CEP290: variants seen among roughly 807,000 people sequenced by gnomAD.
The protein encoded by CEP290 is centrosomal protein 290.
Under a neutral mutation model 344.9 loss-of-function variants are expected in CEP290, and 317 were observed. The ratio of observed to expected loss-of-function variants is 0.92; its 90% CI spans 0.84 to 1.01. CEP290 has a LOEUF of 1.01. Among genes scored for constraint, CEP290 ranks in the 50% least tolerant of loss-of-function variants. The probability of loss-of-function intolerance (pLI) is 0.00; values close to 1 mark genes in which losing one functional copy is unlikely to be tolerated. For missense variants in CEP290, 2,754 were observed against 2,761.4 expected, an observed-to-expected ratio of 1.00 and a Z score of 0.06; for synonymous variants, 932 against 895.8, an observed-to-expected ratio of 1.04 and a Z score of -0.72.
chr12:88,115,439 AC>A (rs1475097443), intron 18 of CEP290: 16 of 1,249,850 alleles, frequency 1.3e-5, no homozygotes, highest in Non-Finnish European at 1.6e-5. Flanking sequence ...TGTCTTTAGT[AC>A]CACAATCATC....
intron 47 of CEP290, among the ~76,000 whole-genome samples, chr12:88,060,516 C>G (rs941014061): frequency 1.3e-5 from 2 of 152,052 alleles, no homozygotes; most frequent in East Asian, 1.9e-4. Context: ...GTCAAGATTG[C>G]ACCACTGCAT....
At chr12:88,077,152 T>C in intron 41 of CEP290, 70 bp downstream of exon 41, 1 of 1,437,642 alleles carries the variant, frequency 7.0e-7, no homozygotes, top group South Asian at 1.3e-5. Context: ...TATTAACTGT[T>C]AATCAGCTAT....
chr12:88,065,557 T>C (rs1409431063), intron 44 of CEP290, among the ~76,000 whole-genome samples: 2 of 152,218 alleles, frequency 1.3e-5, no homozygotes, highest in Non-Finnish European at 2.9e-5. Context: ...TTTAAGGTTA[T>C]TTCAGATATG....
chr12:88,103,889 C>T (rs1427368784), intron 25 of CEP290: 6 of 152,070 alleles, frequency 3.9e-5, no homozygotes, highest in Non-Finnish European at 5.9e-5. Flanking sequence ...TTCAGTTTCA[C>T]TGTTCTGGGG....
chr12:88,132,519 T>C (rs917217181), intron 6 of CEP290, among the ~76,000 whole-genome samples: 4 of 152,210 alleles, frequency 2.6e-5, no homozygotes, highest in Non-Finnish European at 5.9e-5. Flanking sequence ...CATCTTTCTT[T>C]TTCAAACAGA....
chr12:88,129,202 A>G (rs974831275), intron 10 of CEP290, among the ~76,000 whole-genome samples, 167 bp from the exon 11 acceptor site: 2 of 151,802 alleles, frequency 1.3e-5, no homozygotes, highest in African/African-American at 4.8e-5. Context: ...ACATATGTGT[A>G]TTTATCATTG....
chr12:88,052,701 ATAATCT>A (rs2033659259), intron 52 of CEP290, among the ~76,000 whole-genome samples: 1 of 152,192 alleles, frequency 6.6e-6, no homozygotes, highest in Non-Finnish European at 1.5e-5. Context: ...CACACAGATG[ATAATCT>A]TAAATCCTAA....
chr12:88,141,383 T>C (rs957049492), intron 1 of CEP290, 49 bp from the exon 2 acceptor site: 6 of 936,502 alleles, frequency 6.4e-6, no homozygotes, highest in South Asian at 3.7e-5. Flanking sequence ...CACAGTATTA[T>C]TGGTTTTCTA....
intron 43 of CEP290, among the ~76,000 whole-genome samples, chr12:88,070,985 G>C (rs1366617894): frequency 3.9e-5 from 6 of 152,236 alleles, no homozygotes; most frequent in African/African-American, 1.4e-4. Flanking sequence ...TTGAAAAATG[G>C]AACCACAGCC....
chr12:88,133,266 T>C (rs1736469727), intron 6 of CEP290, among the ~76,000 whole-genome samples: 1 of 151,860 alleles, frequency 6.6e-6, no homozygotes, highest in African/African-American at 2.4e-5. Context: ...TGTTTTGTTT[T>C]TGTAGAGATG....
Position 88,120,171 on chromosome 12 carries a change from G to A in CEP290, c.1465C>T (p.Leu489Phe). 1 of 1,535,054 alleles carries A rather than the reference G, an allele frequency of 6.5e-7. No individual in the cohort carries two copies. Among genetic ancestry groups the A allele is most frequent in the Admixed American group, 2.0e-5 (1 of 49,810 alleles). The change falls in exon 15 of 54, where the codon CTT becomes TTT. Residue 489 changes from leucine to phenylalanine, a missense_variant. Physicochemically the swap from Leu to Phe is conservative, Grantham distance 22. Transcript: ENST00000552810. The stretch of plus-strand genomic sequence containing the variant: ...AGGAAATCACTGATCTTCAATTCAA[G>A]TTTATTGATTTCCTTTGTTAATATT... Reference protein sequence around the residue: ...IEILTKEINKLELKISDFLDE... With the variant: ...IEILTKEINKFELKISDFLDE...
chr12:88,121,631 T>C (rs186169844), intron 13 of CEP290, among the ~76,000 whole-genome samples: 4 of 139,470 alleles, frequency 2.9e-5, no homozygotes, highest in African/African-American at 1.0e-4. Context: ...AAAAAAAAAA[T>C]GTTTTTAAAA....
At chr12:88,057,128 T>C (rs1375838274) in intron 49 of CEP290, among the ~76,000 whole-genome samples, 1 of 152,186 alleles carries the variant, frequency 6.6e-6, no homozygotes, top group Non-Finnish European at 1.5e-5. Flanking sequence ...CTACTAACCA[T>C]TTATAAACCT....
chr12:88,107,549 T>C (rs956124690), intron 23 of CEP290, among the ~76,000 whole-genome samples: 1 of 151,526 alleles, frequency 6.6e-6, no homozygotes, highest in African/African-American at 2.4e-5. Flanking sequence ...TGACCAAAGT[T>C]AATAACAGTA....
At chr12:88,074,520 A>G (rs2035615834) in intron 41 of CEP290, among the ~76,000 whole-genome samples, 1 of 152,222 alleles carries the variant, frequency 6.6e-6, no homozygotes, top group African/African-American at 2.4e-5. Flanking sequence ...TATTACATAT[A>G]GGCTTTTTTC....
At chr12:88,082,644 A>C (rs2036278990) in intron 37 of CEP290, among the ~76,000 whole-genome samples, 1 of 152,154 alleles carries the variant, frequency 6.6e-6, no homozygotes. Flanking sequence ...CAGTGAGCTG[A>C]GATTATGTCA....
chr12:88,056,279 GAAAA>G (rs555367064), intron 49 of CEP290, among the ~76,000 whole-genome samples: 1 of 147,144 alleles, frequency 6.8e-6, no homozygotes, highest in African/African-American at 2.5e-5. Context: ...ACAGACTCCA[GAAAA>G]AAAAAATTCA....
At chr12:88,122,194 G>A (rs985448470) in intron 13 of CEP290, among the ~76,000 whole-genome samples, 3 of 152,186 alleles carry the variant, frequency 2.0e-5, no homozygotes, top group East Asian at 3.9e-4. Flanking sequence ...TTGTCCCCCA[G>A]TATCTATTCT....
At chr12:88,104,262 C>G (rs1398114379) in intron 25 of CEP290, 2 of 151,976 alleles carry the variant, frequency 1.3e-5, no homozygotes, top group Admixed American at 6.6e-5. Flanking sequence ...GTAAAGAACC[C>G]AAGCCCATTT....
Sources: allele counts gnomAD v4.1 joint callset (sites outside exome capture counted in the v4.1 genomes callset), GRCh38; gene constraint gnomAD v4.1.1; transcripts MANE v1.5; gene names NCBI Gene and HGNC (gene_info 2026-07-23, HGNC 2026-07-21).